Variants in TMEM117 observed in about 807,000 individuals in gnomAD.
The protein encoded by TMEM117 is transmembrane protein 117.
A neutral mutation model predicts 52.4 loss-of-function variants in TMEM117; 27 were observed. The ratio of observed to expected loss-of-function variants is 0.51; its 90% CI spans 0.38 to 0.71. The LOEUF is 0.71. TMEM117 is among the 30% of genes least tolerant of loss of function. The probability of loss-of-function intolerance (pLI) is 0.00; values close to 1 mark genes in which losing one functional copy is unlikely to be tolerated. For missense variants in TMEM117, 556 were observed against 630.5 expected (o/e 0.88, Z 1.26); for synonymous variants, 215 against 206.3 (o/e 1.04, Z -0.36).
the TMEM117 span, among the ~76,000 whole-genome samples, chr12:43,813,283 G>A: frequency 8.4e-6 from 1 of 119,550 alleles, no homozygotes; most frequent in Non-Finnish European, 1.6e-5. Flanking sequence ...TTGCTCTGTC[G>A]CCCAGGCTGG....
intron 3 of TMEM117, among the ~76,000 whole-genome samples, chr12:44,142,022 G>C (rs1948578010): frequency 6.6e-6 from 1 of 152,122 alleles, no homozygotes; most frequent in African/African-American, 2.4e-5. Context: ...ATGTTGCTTA[G>C]TGGTTAAATT....
At chr12:44,045,387 G>A (rs559410802) in intron 3 of TMEM117, among the ~76,000 whole-genome samples, 1 of 152,130 alleles carries the variant, frequency 6.6e-6, no homozygotes, top group Non-Finnish European at 1.5e-5. Context: ...TCATGGAAAG[G>A]TTTGTCCTCG....
Position 43,886,248 on chromosome 12 carries a change from A to G in TMEM117, c.277+41320A>G, listed in dbSNP as rs115963073. 8.1e-3 allele frequency among the ~76,000 whole-genome samples: 1,226 copies of G among 152,298 alleles called. 24 individuals carry two copies. The highest frequency in any genetic ancestry group is 0.028 in the African/African-American group (1,143 of 41,544). ...GGACTAAGGAATATAAGGGACATATAGAGGGCGGTGTACCTGCAAAGAAGA... is the reference window on the plus strand; with the variant it reads ...GGACTAAGGAATATAAGGGACATATGGAGGGCGGTGTACCTGCAAAGAAGA... On this transcript the variant is annotated intron_variant, in intron 2 of 7. Transcript: ENST00000266534.
At chr12:43,956,583 C>T (rs561168243) in intron 3 of TMEM117, among the ~76,000 whole-genome samples, 7 of 148,894 alleles carry the variant, frequency 4.7e-5, no homozygotes, top group Non-Finnish European at 7.4e-5. Flanking sequence ...ATTAGAGAAA[C>T]GCAAATCAAA....
intron 3 of TMEM117, among the ~76,000 whole-genome samples, chr12:44,005,883 T>C (rs1946186424): frequency 6.6e-6 from 1 of 152,190 alleles, no homozygotes; most frequent in Non-Finnish European, 1.5e-5. Context: ...GTACAAGATC[T>C]CTCTTTTTGC....
intron 6 of TMEM117, among the ~76,000 whole-genome samples, chr12:44,362,942 T>A (rs1951741756): frequency 6.6e-6 from 1 of 151,984 alleles, no homozygotes; most frequent in African/African-American, 2.4e-5. Flanking sequence ...AACCTCTGCC[T>A]CCCAGGTTCA....
At chr12:43,976,050 G>C (rs980806312) in intron 3 of TMEM117, among the ~76,000 whole-genome samples, 2 of 152,142 alleles carry the variant, frequency 1.3e-5, no homozygotes, top group African/African-American at 4.8e-5. Flanking sequence ...GTGATGGCTT[G>C]AAAGTACCAG....
intron 3 of TMEM117, among the ~76,000 whole-genome samples, chr12:44,078,862 ACC>A (rs976766481): frequency 8.8e-5 from 5 of 56,526 alleles, no homozygotes; most frequent in South Asian, 8.0e-4. Flanking sequence ...CTCCCCTAGC[ACC>A]CCCCCACCCC....
rs147349845 is a variant in TMEM117 at position 43,922,607 on chromosome 12, G to A, written c.278-21603G>A. 1.3e-3 allele frequency among the ~76,000 whole-genome samples: 192 copies of A among 152,188 alleles called. 1 individual carries two copies. The highest frequency in any genetic ancestry group is 4.4e-3 in the African/African-American group (183 of 41,532). On this transcript the variant is annotated intron_variant, in intron 2 of 7. Coordinates refer to ENST00000266534, the MANE Select transcript of TMEM117 (RefSeq NM_032256.3). ...ATGGCTAAAATCACCTTTGCTTTGA[G>A]GTTTGGTTAAACATGTTATAGTTTG...
At chr12:43,803,303 G>A in the TMEM117 span, among the ~76,000 whole-genome samples, 2 of 152,148 alleles carry the variant, frequency 1.3e-5, no homozygotes, top group Non-Finnish European at 2.9e-5. Flanking sequence ...AAAACAGACT[G>A]CACAAGTATC....
the TMEM117 span, among the ~76,000 whole-genome samples, chr12:43,816,906 C>T: frequency 2.0e-5 from 3 of 152,122 alleles, no homozygotes; most frequent in Non-Finnish European, 4.4e-5. Flanking sequence ...TTCGCACAAC[C>T]TGAATGCATT....
intron 5 of TMEM117, among the ~76,000 whole-genome samples, chr12:44,222,221 C>A (rs1286561138): frequency 6.6e-6 from 1 of 152,084 alleles, no homozygotes; most frequent in Non-Finnish European, 1.5e-5. Flanking sequence ...CCCCACAGTC[C>A]AGGGACTTAG....
intron 4 of TMEM117, among the ~76,000 whole-genome samples, chr12:44,194,202 T>A (rs1440725397): frequency 3.3e-5 from 5 of 152,176 alleles, no homozygotes; most frequent in African/African-American, 9.7e-5. Flanking sequence ...AGAGAATATG[T>A]TTAATATGTT....
chr12:44,059,928 G>A (rs1947112794), intron 3 of TMEM117, among the ~76,000 whole-genome samples: 4 of 152,184 alleles, frequency 2.6e-5, no homozygotes, highest in African/African-American at 4.8e-5. Flanking sequence ...AATAAGAAGA[G>A]TATAGTGAAA....
At chr12:44,260,114 T>A (rs1565647299) in intron 5 of TMEM117, among the ~76,000 whole-genome samples, 1 of 152,200 alleles carries the variant, frequency 6.6e-6, no homozygotes, top group Non-Finnish European at 1.5e-5. Context: ...AGAAGCGTCT[T>A]TCCATGACAC....
rs75650324 is a variant in TMEM117 at position 44,176,242 on chromosome 12, T to C, written c.510+32618T>C. Among the ~76,000 whole-genome samples, 293 of 152,322 alleles carry C rather than the reference T, an allele frequency of 1.9e-3. 7 individuals are homozygous for C. The East Asian group carries it at 0.035, about 18-fold the overall frequency. On this transcript the variant is annotated intron_variant, in intron 4 of 7. Coordinates refer to ENST00000266534, the MANE Select transcript of TMEM117 (RefSeq NM_032256.3). Reference sequence around the variant, plus strand: ...TTATCATTTTTAGTAGAATTTAAGCTCTGCTAGGGCAAGGATCTTTTTTTC... The same window carrying C: ...TTATCATTTTTAGTAGAATTTAAGCCCTGCTAGGGCAAGGATCTTTTTTTC...
At chr12:44,267,578 C>T (rs1950394393) in intron 5 of TMEM117, among the ~76,000 whole-genome samples, 1 of 152,122 alleles carries the variant, frequency 6.6e-6, no homozygotes, top group Admixed American at 6.6e-5. Context: ...AAGTTTACAA[C>T]ACAATATTGT....
the TMEM117 span, among the ~76,000 whole-genome samples, chr12:43,814,489 A>G: frequency 6.6e-6 from 1 of 152,094 alleles, no homozygotes; most frequent in African/African-American, 2.4e-5. Context: ...TCTGGGCTGC[A>G]TCTTTCCTTT....
intron 2 of TMEM117, among the ~76,000 whole-genome samples, chr12:43,858,045 C>A (rs537470382): frequency 6.6e-6 from 1 of 152,306 alleles, no homozygotes; most frequent in South Asian, 2.1e-4. Context: ...TCTCCAAAGA[C>A]AGGCTTTAGT....
Sources: gnomAD v4.1 joint callset for allele counts (sites outside exome capture counted in the v4.1 genomes callset) on GRCh38, gnomAD v4.1.1 for gene constraint, MANE v1.5 for transcripts, NCBI Gene and HGNC (gene_info 2026-07-23, HGNC 2026-07-21) for gene names.